Variants in OCA2 observed in about 807,000 individuals in gnomAD.
OCA2 encodes the protein OCA2 melanosomal transmembrane protein, also known as P protein.
A neutral mutation model predicts 100.2 loss-of-function variants in OCA2; 77 were observed. The ratio of observed to expected loss-of-function variants is 0.77; its 90% confidence interval spans 0.64 to 0.93. The LOEUF (loss-of-function observed/expected upper bound fraction) is 0.93. Among genes scored for constraint, OCA2 ranks in the 40% least tolerant of loss-of-function variants. The pLI is 0.00. For synonymous variants in OCA2, 432 were observed against 439.2 expected (o/e 0.98, Z 0.21); for missense variants, 1,062 against 1,089.1 (o/e 0.98, Z 0.35).
chr15:27,741,910 G>A, the OCA2 span, among the ~76,000 whole-genome samples: 1 of 152,188 alleles, frequency 6.6e-6, no homozygotes, highest in African/African-American at 2.4e-5. Context: ...TACTCATCCT[G>A]CAAAACAATT....
intron 14 of OCA2, among the ~76,000 whole-genome samples, chr15:27,970,760 A>C (rs2040753816): frequency 6.6e-6 from 1 of 152,128 alleles, no homozygotes; most frequent in Non-Finnish European, 1.5e-5. Flanking sequence ...GGAAAACATA[A>C]AGAACATCCC....
chr15:27,956,221 T>A (rs2040218938), intron 16 of OCA2, among the ~76,000 whole-genome samples: 1 of 151,988 alleles, frequency 6.6e-6, no homozygotes, highest in African/African-American at 2.4e-5. Flanking sequence ...GGTTGGTACA[T>A]GCCTGTAATC....
chr15:27,775,278 A>G (rs1401295603), intron 23 of OCA2, among the ~76,000 whole-genome samples: 1 of 152,124 alleles, frequency 6.6e-6, no homozygotes. Flanking sequence ...TGCCCATTGC[A>G]TCAGTGAAGC....
intron 9 of OCA2, among the ~76,000 whole-genome samples, chr15:27,997,220 A>G (rs2041776295): frequency 1.5e-5 from 2 of 130,054 alleles, no homozygotes; most frequent in Non-Finnish European, 3.6e-5. Context: ...AGGAAAGGAA[A>G]GAAAGAAAGG....
At chr15:28,041,918 C>T (rs1463700438) in intron 2 of OCA2, among the ~76,000 whole-genome samples, 3 of 151,876 alleles carry the variant, frequency 2.0e-5, no homozygotes, top group Non-Finnish European at 4.4e-5. Context: ...AGTGAATGTG[C>T]ATGAGATGAG....
At position 27,957,943 on chromosome 15, in the gene OCA2, T is replaced by C. The variant is rs2040285026; in HGVS notation, c.1637-208A>G. Among the ~76,000 whole-genome samples the C allele has an allele frequency of 6.6e-6, 1 of 152,016 alleles. No homozygotes were observed. The highest frequency in any genetic ancestry group is 6.5e-5 in the Admixed American group (1 of 15,272). The stretch of plus-strand genomic sequence containing the variant: ...GCCGACATTTAAAAATTATCACAAA[T>C]TGCAAGGACAAAAAACCAAACACCA... On this transcript the variant is annotated intron_variant, in intron 15 of 23. Coordinates refer to ENST00000354638, the MANE Select transcript of OCA2 (RefSeq NM_000275.3). This position sits in a 1 kb window ranked among gnomAD's most constrained non-coding sequence, Gnocchi z 4.3.
At chr15:28,039,762 C>T (rs927478691) in intron 2 of OCA2, among the ~76,000 whole-genome samples, 1 of 152,142 alleles carries the variant, frequency 6.6e-6, no homozygotes, top group Admixed American at 6.5e-5. Context: ...TGGCCAGGCG[C>T]GGTGGCTCAT....
chr15:27,933,508 T>A (rs573335512), intron 18 of OCA2, among the ~76,000 whole-genome samples: 9 of 152,214 alleles, frequency 5.9e-5, no homozygotes, highest in African/African-American at 2.2e-4. Context: ...AGGCTTTGTG[T>A]GAGCAATAAA....
At chr15:27,849,484 A>G (rs1474571751) in intron 22 of OCA2, among the ~76,000 whole-genome samples, 1 of 152,068 alleles carries the variant, frequency 6.6e-6, no homozygotes, top group African/African-American at 2.4e-5. Flanking sequence ...GCTTATTTGA[A>G]TAGTTCTTAG....
At chr15:27,761,058 T>C (rs975232735) in intron 23 of OCA2, among the ~76,000 whole-genome samples, 6 of 152,046 alleles carry the variant, frequency 3.9e-5, no homozygotes, top group African/African-American at 1.4e-4. Context: ...ACCACTCTTA[T>C]TCAACATAGT....
chr15:27,959,508 G>A (rs1329853892), intron 15 of OCA2, among the ~76,000 whole-genome samples: 10 of 152,178 alleles, frequency 6.6e-5, no homozygotes, highest in East Asian at 1.9e-4. Context: ...CTAAAAGCCC[G>A]TCCATAAAGT....
intron 19 of OCA2, among the ~76,000 whole-genome samples, chr15:27,872,627 G>A (rs1035077009): frequency 3.3e-5 from 5 of 152,154 alleles, no homozygotes; most frequent in African/African-American, 9.7e-5. Context: ...TGATTCCATC[G>A]CGCTGAAAGA....
At chr15:28,067,715 C>T (rs572957712) in intron 2 of OCA2, among the ~76,000 whole-genome samples, 36 of 152,102 alleles carry the variant, frequency 2.4e-4, no homozygotes, top group African/African-American at 8.4e-4. Flanking sequence ...GGTATTATTT[C>T]GATTTCTTTT....
At chr15:27,972,363 C>T (rs1209357429) in intron 14 of OCA2, among the ~76,000 whole-genome samples, 1 of 152,092 alleles carries the variant, frequency 6.6e-6, no homozygotes, top group Admixed American at 6.6e-5. Context: ...GGGTAGATAC[C>T]CAGTGACTGG....
intron 18 of OCA2, among the ~76,000 whole-genome samples, chr15:27,946,802 C>T (rs935289848): frequency 3.3e-5 from 5 of 152,222 alleles, no homozygotes; most frequent in Admixed American, 3.3e-4. Flanking sequence ...TCCTTTTCTG[C>T]AAAGCCAGCC....
At chr15:27,990,480 A>G (rs576532598) in intron 10 of OCA2, 96 bp downstream of exon 10, 2 of 1,233,164 alleles carry the variant, frequency 1.6e-6, no homozygotes, top group South Asian at 2.4e-5. Context: ...GGCATATAAA[A>G]TAGTGAAAAA....
intron 23 of OCA2, among the ~76,000 whole-genome samples, chr15:27,772,357 G>A (rs2031931304): frequency 6.6e-6 from 1 of 152,126 alleles, no homozygotes; most frequent in Admixed American, 6.5e-5. Context: ...TTTACTTTTT[G>A]AAAGAGGATC....
At chr15:27,916,183 G>C (rs995693729) in intron 19 of OCA2, among the ~76,000 whole-genome samples, 1 of 152,128 alleles carries the variant, frequency 6.6e-6, no homozygotes, top group Admixed American at 6.6e-5. Context: ...ATAGACACTG[G>C]AGTCTACTTG....
At chr15:27,864,018 C>T (rs1407424738) in intron 21 of OCA2, among the ~76,000 whole-genome samples, 1 of 152,090 alleles carries the variant, frequency 6.6e-6, no homozygotes, top group Non-Finnish European at 1.5e-5. Flanking sequence ...GGTGTAGTGG[C>T]TGGTCTGTGG....
Sources: allele counts gnomAD v4.1 joint callset (sites outside exome capture counted in the v4.1 genomes callset), GRCh38; gene constraint gnomAD v4.1.1; non-coding constraint Gnocchi (gnomAD v3.1); transcripts MANE v1.5; gene names NCBI Gene and HGNC (gene_info 2026-07-23, HGNC 2026-07-21).